NEDD4L: variants seen among roughly 807,000 people sequenced by gnomAD.
The protein encoded by NEDD4L is NEDD4 like E3 ubiquitin protein ligase.
A neutral mutation model predicts 148.9 loss-of-function variants in NEDD4L; 54 were observed. The ratio of observed to expected loss-of-function variants is 0.36; its 90% CI spans 0.29 to 0.45. The LOEUF (loss-of-function observed/expected upper bound fraction) is 0.45, where lower values mean the gene tolerates loss of function less well. Ranked by LOEUF, NEDD4L falls within the 20% of genes least tolerant of loss-of-function variation. The pLI, the probability that NEDD4L is intolerant of heterozygous loss-of-function variation, is 1.00. For synonymous variants in NEDD4L, 433 were observed against 440.7 expected (o/e 0.98, Z 0.22); for missense variants, 856 against 1,233.8 (o/e 0.69, Z 4.59).
intron 5 of NEDD4L, among the ~76,000 whole-genome samples, chr18:58,286,713 C>T (rs2053955060): frequency 6.6e-6 from 1 of 152,116 alleles, no homozygotes; most frequent in Non-Finnish European, 1.5e-5. Context: ...ATCCATAGCA[C>T]ACAGTAGTGC....
chr18:58,219,071 T>A (rs1192277736), intron 2 of NEDD4L, among the ~76,000 whole-genome samples: 1 of 152,218 alleles, frequency 6.6e-6, no homozygotes, highest in African/African-American at 2.4e-5. Flanking sequence ...GGCTTAACAT[T>A]TTTTCATTTG....
intron 16 of NEDD4L, 120 bp downstream of exon 16, chr18:58,343,223 A>G: frequency 3.2e-6 from 2 of 625,024 alleles, no homozygotes; most frequent in Non-Finnish European, 4.6e-6. Flanking sequence ...GGGTGTCTCC[A>G]GAGGGTCTCC....
chr18:58,126,824 T>G (rs2031189969), intron 1 of NEDD4L, among the ~76,000 whole-genome samples: 2 of 152,180 alleles, frequency 1.3e-5, no homozygotes, highest in African/African-American at 4.8e-5. Context: ...TTAGCTTATT[T>G]CTTTGCAGGT....
intron 16 of NEDD4L, among the ~76,000 whole-genome samples, chr18:58,347,326 G>A (rs768055185): frequency 3.3e-5 from 5 of 149,774 alleles, no homozygotes; most frequent in Non-Finnish European, 7.4e-5. Flanking sequence ...GCATTCAGAA[G>A]CCCTGCCCTC....
intron 2 of NEDD4L, among the ~76,000 whole-genome samples, chr18:58,205,498 A>T (rs505218): frequency 1.2e-4 from 18 of 147,778 alleles, no homozygotes; most frequent in Non-Finnish European, 2.6e-4. Context: ...GTGTGTGTGT[A>T]TGTGTGTGTG....
chr18:58,330,491 A>T (rs966645270), intron 10 of NEDD4L, among the ~76,000 whole-genome samples: 2 of 152,308 alleles, frequency 1.3e-5, no homozygotes, highest in African/African-American at 4.8e-5. Context: ...GATTCACATC[A>T]TGGCCCTACC....
intron 9 of NEDD4L, among the ~76,000 whole-genome samples, chr18:58,327,392 C>T (rs1042623750): frequency 3.2e-4 from 49 of 152,194 alleles, no homozygotes; most frequent in Non-Finnish European, 2.8e-4. Flanking sequence ...CCACCACGCC[C>T]GGCTGAAAAA....
chr18:58,093,873 G>A (rs1396134415), intron 1 of NEDD4L, among the ~76,000 whole-genome samples: 1 of 152,090 alleles, frequency 6.6e-6, no homozygotes, highest in Non-Finnish European at 1.5e-5. Flanking sequence ...TAAAATTGGA[G>A]CCACTCTTGA....
chr18:58,225,968 A>G (rs1384940384), intron 2 of NEDD4L, among the ~76,000 whole-genome samples: 1 of 152,176 alleles, frequency 6.6e-6, no homozygotes, highest in Non-Finnish European at 1.5e-5. Flanking sequence ...GTCTACTTGC[A>G]GTTAATATGG....
At chr18:58,088,687 T>C (rs1377363708) in intron 1 of NEDD4L, among the ~76,000 whole-genome samples, 1 of 152,230 alleles carries the variant, frequency 6.6e-6, no homozygotes, top group East Asian at 1.9e-4. Flanking sequence ...ATGTCCATTT[T>C]GTAAATATTT....
At chr18:58,100,654 T>A (rs1314026837) in intron 1 of NEDD4L, among the ~76,000 whole-genome samples, 1 of 152,216 alleles carries the variant, frequency 6.6e-6, no homozygotes, top group African/African-American at 2.4e-5. Flanking sequence ...TCTCTCATAG[T>A]GGGCAAGGCC....
chr18:58,258,907 T>G (rs945073946), intron 5 of NEDD4L, among the ~76,000 whole-genome samples: 2 of 152,232 alleles, frequency 1.3e-5, no homozygotes, highest in African/African-American at 4.8e-5. Context: ...AAACATTCAC[T>G]TGGGCGTCTA....
intron 2 of NEDD4L, among the ~76,000 whole-genome samples, chr18:58,230,936 A>G (rs2045098698): frequency 6.6e-6 from 1 of 152,206 alleles, no homozygotes; most frequent in Non-Finnish European, 1.5e-5. Context: ...AGGCGAATTA[A>G]GATTTACATA....
At chr18:58,190,358 A>G (rs923745800) in intron 2 of NEDD4L, among the ~76,000 whole-genome samples, 2 of 152,234 alleles carry the variant, frequency 1.3e-5, no homozygotes, top group Non-Finnish European at 2.9e-5. Flanking sequence ...TTAGCTTAAT[A>G]ATGGTATATC....
intron 6 of NEDD4L, among the ~76,000 whole-genome samples, chr18:58,321,654 C>A (rs1308247308): frequency 6.6e-6 from 1 of 152,210 alleles, no homozygotes; most frequent in Non-Finnish European, 1.5e-5. Flanking sequence ...GCACACAAAC[C>A]TGATACAGTA....
chr18:58,122,600 G>A (rs1463239179), intron 1 of NEDD4L, among the ~76,000 whole-genome samples: 3 of 152,160 alleles, frequency 2.0e-5, no homozygotes, highest in Non-Finnish European at 4.4e-5. Context: ...TAAAATTTGT[G>A]GTAACTTTTC....
intron 5 of NEDD4L, among the ~76,000 whole-genome samples, chr18:58,252,330 T>C (rs910386214): frequency 6.6e-6 from 1 of 152,226 alleles, no homozygotes; most frequent in Non-Finnish European, 1.5e-5. Context: ...ATGCTCATGC[T>C]CTAATGTTGG....
intron 16 of NEDD4L, among the ~76,000 whole-genome samples, chr18:58,347,214 G>GCGC (rs2043198630): frequency 1.8e-4 from 6 of 34,038 alleles, no homozygotes; most frequent in African/African-American, 8.6e-4. Context: ...GGCCCCCCCC[G>GCGC]CCCCCCCCCC....
chr18:58,357,326 G>C, intron 19 of NEDD4L, 74 bp downstream of exon 19: 1 of 1,224,382 alleles, frequency 8.2e-7, no homozygotes, highest in Non-Finnish European at 1.2e-6. Flanking sequence ...GTGTATTACT[G>C]ATAACGGTGA....
Sources: gnomAD v4.1 joint callset for allele counts (sites outside exome capture counted in the v4.1 genomes callset) on GRCh38, gnomAD v4.1.1 for gene constraint, MANE v1.5 for transcripts, NCBI Gene and HGNC (gene_info 2026-07-23, HGNC 2026-07-21) for gene names.